Variants in SMARCD1 observed in about 807,000 individuals in gnomAD.
SMARCD1 encodes the protein SWI/SNF related BAF chromatin remodeling complex subunit D1.
In SMARCD1, 16 loss-of-function variants were observed where a neutral mutation model predicts 70.8. The observed-to-expected ratio is 0.23, with a 90% CI of 0.15 to 0.34. The LOEUF (loss-of-function observed/expected upper bound fraction) is 0.34. SMARCD1 is among the 10% of genes least tolerant of loss of function. SMARCD1 has a pLI of 1.00. For missense variants in SMARCD1, 409 were observed against 655.5 expected (o/e 0.62, Z 4.11); for synonymous variants, 249 against 246.0 (o/e 1.01, Z -0.11).
intron 10 of SMARCD1, among the ~76,000 whole-genome samples, chr12:50,095,901 G>T (rs138853431): frequency 1.3e-5 from 2 of 152,316 alleles, no homozygotes; most frequent in African/African-American, 4.8e-5. Context: ...GGGAAAACTG[G>T]TTTATGTTTC....
At chr12:50,086,479 T>G (rs1024714950) in intron 2 of SMARCD1, 131 bp downstream of exon 2, 49 of 781,708 alleles carry the variant, frequency 6.3e-5, no homozygotes, top group Middle Eastern at 3.3e-4. Flanking sequence ...TTGAGAATGC[T>G]TGGTGGTGGT....
In SMARCD1 at chr12:50,090,242, C is replaced by G. The variant is rs1378153515; in HGVS notation, c.875C>G (p.Pro292Arg). The change falls in exon 8 of 13, where the codon CCT (proline) becomes CGT (arginine). Residue 292 changes from proline (P) to arginine (R), a missense_variant and splice_region_variant. By Grantham distance (103) the Pro-to-Arg change is moderately radical (BLOSUM62 -2). This residue lies in a region of SMARCD1 where 269 missense variants were observed against 498.6 expected (regional missense o/e 0.54). Coordinates refer to ENST00000394963, the MANE Select transcript of SMARCD1 (RefSeq NM_003076.5). The stretch of plus-strand genomic sequence containing the variant: ...CCCCTATACTTTGGTTCCCTGCAGC[C>G]TCCCCAGTTTAAATTAGACCCCCGC... ...CTVLLMLDYQ[P>R]PQFKLDPRLA... is the part of the protein sequence containing the mutation. The G allele has an allele frequency of 6.2e-7, 1 of 1,610,080 alleles. No homozygotes were observed. The highest frequency in any genetic ancestry group is 2.2e-5 in the East Asian group (1 of 44,866).
chr12:50,095,956 G>A (rs1458928709), intron 10 of SMARCD1, among the ~76,000 whole-genome samples: 1 of 152,208 alleles, frequency 6.6e-6, no homozygotes, highest in Non-Finnish European at 1.5e-5. Context: ...ATCATTACCA[G>A]TGGAGGGACT....
In SMARCD1 at chr12:50,088,615, G is replaced by A; in HGVS notation, c.749G>A (p.Gly250Glu). The change falls in exon 6 of 13, where the codon GGG becomes GAG. Residue 250 changes from glycine (G) to glutamate (E), a missense_variant. By Grantham distance (98) the Gly-to-Glu change is moderately conservative (BLOSUM62 -2). This residue lies in a region of SMARCD1 where 269 missense variants were observed against 498.6 expected (regional missense o/e 0.54). Transcript: ENST00000394963. Reference sequence around the variant, plus strand: ...ATTGAACTGGACAAAGACCTGTATGGGCCAGACAACCATCTGGTAGAAGTG... The same window carrying A: ...ATTGAACTGGACAAAGACCTGTATGAGCCAGACAACCATCTGGTAGAAGTG... ...LVIELDKDLY[G>E]PDNHLVEWHR... is the part of the protein sequence containing the mutation. The A allele has an allele frequency of 6.3e-7, 1 of 1,598,558 alleles. No individual in the cohort carries two copies. The highest frequency in any genetic ancestry group is 8.6e-7 in the Non-Finnish European group (1 of 1,167,630).
intron 10 of SMARCD1, among the ~76,000 whole-genome samples, chr12:50,095,394 T>C (rs1200481194): frequency 6.6e-6 from 1 of 151,974 alleles, no homozygotes; most frequent in Non-Finnish European, 1.5e-5. Context: ...TGGCATGATC[T>C]TGGCTCACTA....
At chr12:50,090,926 G>C (rs1196410524) in intron 9 of SMARCD1, among the ~76,000 whole-genome samples, 1 of 139,360 alleles carries the variant, frequency 7.2e-6, no homozygotes, top group Non-Finnish European at 1.5e-5. Context: ...CTGGGTTCAC[G>C]CCATTCTCCT....
rs199738330 is a variant in SMARCD1 at position 50,094,645 on chromosome 12, T to TAA, written c.1269+74_1269+75insAA. 2.7e-3 allele frequency: 3,869 copies of TAA among 1,443,570 alleles called. 92 individuals are homozygous for TAA. In the African/African-American group the frequency reaches 0.049, roughly 18 times the overall value. The allele number at this position is 1,443,570 out of a possible 1,614,324, so 89.4% of individuals were successfully genotyped here. On this transcript the variant is annotated intron_variant, in intron 10 of 12. Coordinates refer to ENST00000394963, the MANE Select transcript of SMARCD1 (RefSeq NM_003076.5). The stretch of plus-strand genomic sequence containing the variant: ...AGCTTCAAGGCCTCCTTTTGATTCT[T>TAA]AGTGTTCATTCAAAATACGGTGACA...
chr12:50,096,722 A>G (rs1950896225), intron 10 of SMARCD1, 128 bp from the exon 11 acceptor site: 1 of 779,138 alleles, frequency 1.3e-6, no homozygotes, highest in Non-Finnish European at 2.1e-6. Flanking sequence ...GCTCTATATG[A>G]TGGTGCCAGC....
rs1950813915 is a variant in SMARCD1 at position 50,088,665 on chromosome 12, ACT to A, written c.771+31_771+32del. On this transcript the variant is annotated intron_variant, in intron 6 of 12. Coordinates refer to ENST00000394963, the MANE Select transcript of SMARCD1 (RefSeq NM_003076.5). ...GAGTAGCTCTGCCTTCTAGGCTTTGACTCTGATTGGAGGATGATGGACTTGGG... is the reference window on the plus strand; with the variant it reads ...GAGTAGCTCTGCCTTCTAGGCTTTGACTGATTGGAGGATGATGGACTTGGG... 4.0e-6 allele frequency: 5 copies of A among 1,240,230 alleles called. No homozygotes were observed. The East Asian group carries it at 1.2e-4, about 29-fold the overall frequency. The allele number at this position is 1,240,230 out of a possible 1,614,324, so 76.8% of individuals were successfully genotyped here.
rs1950923456 is a variant in SMARCD1 at position 50,099,781 on chromosome 12, G to C, written c.*781G>C. 1 of 155,818 alleles carries C rather than the reference G, an allele frequency of 6.4e-6. No individual in the cohort carries two copies. Among genetic ancestry groups the C allele is most frequent in the South Asian group, 2.1e-4 (1 of 4,866 alleles). 9.7% of individuals were successfully genotyped at this position (155,818 alleles called of 1,614,324 possible). ...CAGAGCCCCAGGGATCTCATCTGGGGAACTGTCATTGCCAGCAGAGGCTGT... is the reference window on the plus strand; with the variant it reads ...CAGAGCCCCAGGGATCTCATCTGGGCAACTGTCATTGCCAGCAGAGGCTGT... On this transcript the variant is annotated 3_prime_UTR_variant, in exon 13 of 13. Coordinates refer to ENST00000394963, the MANE Select transcript of SMARCD1 (RefSeq NM_003076.5).
At chr12:50,095,366 G>A (rs535194103) in intron 10 of SMARCD1, among the ~76,000 whole-genome samples, 19 of 151,524 alleles carry the variant, frequency 1.3e-4, no homozygotes, top group Admixed American at 2.6e-4. Context: ...TTGCTCTGCC[G>A]CTCAGGCTGG....
rs760737528 is a variant in SMARCD1, at chr12:50,087,527, C to G, written c.654+42C>G. ...CAATGGTTGGCATCTAGGGTGGGAG[C>G]TGCTGGGAATGAACAGTGTTGTCTG... On this transcript the variant is annotated intron_variant, in intron 5 of 12. Transcript: ENST00000394963. 4 of 1,606,976 alleles carry G rather than the reference C, an allele frequency of 2.5e-6. No individual in the cohort carries two copies. The Admixed American group carries it at 6.7e-5, about 27-fold the overall frequency.
At chr12:50,085,870 G>A (rs1187466801) in intron 1 of SMARCD1, 16 of 390,228 alleles carry the variant, frequency 4.1e-5, no homozygotes, top group African/African-American at 6.2e-5. Flanking sequence ...GACAAATTGA[G>A]GTCAGCTTCT....
intron 9 of SMARCD1, among the ~76,000 whole-genome samples, chr12:50,090,987 G>A (rs1592289793): frequency 6.6e-6 from 1 of 151,648 alleles, no homozygotes; most frequent in South Asian, 2.1e-4. Flanking sequence ...ACCACACCTG[G>A]CTAATTTTTT....
chr12:50,085,850 A>G, intron 1 of SMARCD1: 1 of 391,132 alleles, frequency 2.6e-6, no homozygotes, highest in Non-Finnish European at 4.5e-6. Context: ...GGAACACAGA[A>G]CGTGTAGCTG....
chr12:50,086,440 G>C, intron 2 of SMARCD1, 92 bp downstream of exon 2: 1 of 1,180,340 alleles, frequency 8.5e-7, no homozygotes, highest in East Asian at 2.8e-5. Flanking sequence ...GTGGTGCTGT[G>C]TCAGCAGATG....
At chr12:50,092,229 T>C (rs1181781465) in intron 9 of SMARCD1, among the ~76,000 whole-genome samples, 1 of 118,904 alleles carries the variant, frequency 8.4e-6, no homozygotes, top group African/African-American at 3.2e-5. Context: ...TTTCTTTTCT[T>C]TCTTTCTTTT....
intron 6 of SMARCD1, among the ~76,000 whole-genome samples, 181 bp from the exon 7 acceptor site, chr12:50,089,703 T>A (rs1470195551): frequency 2.6e-5 from 4 of 152,248 alleles, no homozygotes; most frequent in Non-Finnish European, 4.4e-5. Flanking sequence ...AAAAGGTTAA[T>A]CTACTTATAC....
rs1371694386 is a variant in SMARCD1, at chr12:50,100,234, A to G, written c.*1234A>G. 2 of 152,664 alleles carry G rather than the reference A, an allele frequency of 1.3e-5. No homozygotes were observed. Among genetic ancestry groups the G allele is most frequent in the African/African-American group, 4.8e-5 (2 of 41,434 alleles). 9.5% of individuals were successfully genotyped at this position (152,664 alleles called of 1,614,324 possible). ...TATCCCAGGCTCGCAGACTCAACAC[A>G]GCAAGGGTGGGAGACAGCTGGGCAC... is the stretch of plus-strand genomic sequence containing the variant. On this transcript the variant is annotated 3_prime_UTR_variant, in exon 13 of 13. Transcript: ENST00000394963.
Sources: allele counts gnomAD v4.1 joint callset (sites outside exome capture counted in the v4.1 genomes callset), GRCh38; gene constraint gnomAD v4.1.1; regional missense constraint gnomAD v4.1.1; transcripts MANE v1.5; gene names NCBI Gene and HGNC (gene_info 2026-07-23, HGNC 2026-07-21).